PVALEF: variants seen among roughly 807,000 people sequenced by gnomAD.
PVALEF encodes parvalbumin like EF-hand containing.
PVALEF carries 2 observed loss-of-function variants against 1.2 expected under a neutral mutation model. That is an observed-to-expected ratio of 1.68 (90% CI 0.69 to 5.28). The LOEUF (loss-of-function observed/expected upper bound fraction) is 5.28, where lower values mean the gene tolerates loss of function less well. Ranked by LOEUF, PVALEF falls within the 30% of genes most tolerant of loss-of-function variation. The pLI is 0.06. For synonymous variants in PVALEF, 16 were observed against 6.5 expected (o/e 2.47, Z -2.24); for missense variants, 35 against 17.7 (o/e 1.97, Z -1.75).
chr17:81,178,723 C>A (rs575098769), intron 2 of PVALEF, among the ~76,000 whole-genome samples, 195 bp from the exon 3 acceptor site: 53 of 152,302 alleles, frequency 3.5e-4, no homozygotes, highest in Non-Finnish European at 6.5e-4. Context: ...GCACCACCCC[C>A]ACCGCCCGCA....
In PVALEF at chr17:81,181,361, C is replaced by T. The variant is rs554102640; in HGVS notation, c.106+29C>T. On this transcript the variant is annotated intron_variant, in intron 4 of 6. Transcript: ENST00000637878. ...CAGCATGCCCCCGCCCGGCGCGGCC[C>T]CCCGCCCGTCCAGCCCCGCTGTGGT... 46 of 630,708 alleles carry T rather than the reference C, an allele frequency of 7.3e-5. No homozygotes were observed. The Middle Eastern group carries it at 7.4e-4, about 10-fold the overall frequency. 39.1% of individuals were successfully genotyped at this position (630,708 alleles called of 1,614,324 possible). A position where few individuals can be genotyped will look rare whatever the true frequency, so the allele number is the denominator to read the frequency against.
At chr17:81,168,526 TG>T (rs1001241271) in intron 2 of PVALEF, among the ~76,000 whole-genome samples, 1 of 152,236 alleles carries the variant, frequency 6.6e-6, no homozygotes, top group Non-Finnish European at 1.5e-5. Context: ...CCCCAGGTGC[TG>T]GCTTTTGCCC....
intron 2 of PVALEF, among the ~76,000 whole-genome samples, chr17:81,169,410 C>G (rs763799298): frequency 1.3e-5 from 2 of 152,124 alleles, no homozygotes; most frequent in African/African-American, 4.8e-5. Context: ...CCAGCCTGGC[C>G]AACATGGTGA....
intron 6 of PVALEF, among the ~76,000 whole-genome samples, chr17:81,182,665 G>T (rs968755426): frequency 6.6e-6 from 1 of 152,242 alleles, no homozygotes; most frequent in African/African-American, 2.4e-5. Context: ...CTCTCAGAGG[G>T]TCTGGTGGGA....
At chr17:81,182,697 G>C (rs1222634990) in intron 6 of PVALEF, among the ~76,000 whole-genome samples, 1 of 152,238 alleles carries the variant, frequency 6.6e-6, no homozygotes, top group Non-Finnish European at 1.5e-5. Context: ...TCTCTGCAGA[G>C]AGCCAGGCCA....
At chr17:81,172,703 G>A (rs977727843) in intron 2 of PVALEF, among the ~76,000 whole-genome samples, 1 of 152,148 alleles carries the variant, frequency 6.6e-6, no homozygotes, top group African/African-American at 2.4e-5. Flanking sequence ...GGTGGAGGTT[G>A]CAGTGAGCCG....
At position 81,183,095 on chromosome 17, in the gene PVALEF, G is replaced by A. The variant is rs565574106; in HGVS notation, c.*84G>A. 605 of 398,608 alleles carry A rather than the reference G, an allele frequency of 1.5e-3. 1 individual carries two copies. Among genetic ancestry groups the A allele is most frequent in the South Asian group, 4.1e-3 (32 of 7,844 alleles). The allele number at this position is 398,608 out of a possible 1,614,324, so 24.7% of individuals were successfully genotyped here. On this transcript the variant is annotated 3_prime_UTR_variant, in exon 7 of 7. Transcript: ENST00000637878. ...CACCTGGGCAGAAGCCGTTGGGGCC[G>A]GTAAGAGGCGGCAGCCGTGAGGGTG... is the stretch of plus-strand genomic sequence containing the variant.
chr17:81,170,309 TGGTATGTAGG>T (rs2061516424), intron 2 of PVALEF, among the ~76,000 whole-genome samples: 1 of 146,570 alleles, frequency 6.8e-6, no homozygotes, highest in Admixed American at 6.8e-5. Context: ...GTGTCTGTGT[TGGTATGTAGG>T]GGTGTGTGCA....
chr17:81,176,926 C>CTTTT (rs34506557), intron 2 of PVALEF, among the ~76,000 whole-genome samples: 1 of 130,910 alleles, frequency 7.6e-6, no homozygotes, highest in African/African-American at 2.9e-5. Flanking sequence ...GTATTAGTCA[C>CTTTT]TTTTTTTTTT....
In PVALEF at chr17:81,183,086, G is replaced by T. The variant is rs116678809; in HGVS notation, c.*75G>T. 5.9e-4 allele frequency: 234 copies of T among 398,658 alleles called. 4 individuals carry two copies. In the South Asian group the frequency reaches 0.025, roughly 43 times the overall value. 24.7% of individuals were successfully genotyped at this position (398,658 alleles called of 1,614,324 possible). On this transcript the variant is annotated 3_prime_UTR_variant, in exon 7 of 7. Transcript: ENST00000637878. ...GTGACCACGCACCTGGGCAGAAGCC[G>T]TTGGGGCCGGTAAGAGGCGGCAGCC...
chr17:81,167,348 A>G (rs2061501113), intron 2 of PVALEF, among the ~76,000 whole-genome samples: 1 of 152,044 alleles, frequency 6.6e-6, no homozygotes. Context: ...CCACTCATTC[A>G]TTCACTCACT....
At chr17:81,166,065 G>T in intron 1 of PVALEF, 3 of 1,114,232 alleles carry the variant, frequency 2.7e-6, no homozygotes, top group Non-Finnish European at 3.4e-6. Flanking sequence ...GGCCCGAGCC[G>T]CCGCATCACC....
At chr17:81,169,408 G>A (rs767842939) in intron 2 of PVALEF, among the ~76,000 whole-genome samples, 3 of 152,154 alleles carry the variant, frequency 2.0e-5, no homozygotes, top group South Asian at 2.1e-4. Flanking sequence ...GACCAGCCTG[G>A]CCAACATGGT....
intron 5 of PVALEF, 74 bp downstream of exon 5, chr17:81,181,768 G>A (rs760739309): frequency 6.8e-5 from 27 of 398,508 alleles, no homozygotes; most frequent in Middle Eastern, 6.2e-4. Flanking sequence ...TGGCGGACCC[G>A]GCCTTCCCCC....
Position 81,179,051 on chromosome 17 carries a change from G to C in PVALEF, c.-206G>C. The C allele has an allele frequency of 2.2e-6, 1 of 455,236 alleles. No homozygotes were observed. Among genetic ancestry groups the C allele is most frequent in the Non-Finnish European group, 4.4e-6 (1 of 225,532 alleles). 28.2% of individuals were successfully genotyped at this position (455,236 alleles called of 1,614,324 possible). A position where few individuals can be genotyped will look rare whatever the true frequency, so the allele number is the denominator to read the frequency against. On this transcript the variant is annotated 5_prime_UTR_variant, in exon 3 of 7. Coordinates refer to ENST00000637878, the MANE Select transcript of PVALEF (RefSeq NM_001354639.2). ...GAGGGGCGAGGACAGCTGCAGCCCC[G>C]AGATGTAAACAGGCTTGCAGGTATA... is the stretch of plus-strand genomic sequence containing the variant.
intron 1 of PVALEF, among the ~76,000 whole-genome samples, chr17:81,166,340 C>A (rs1241983585): frequency 1.8e-5 from 1 of 55,382 alleles, no homozygotes; most frequent in Non-Finnish European, 3.5e-5. Context: ...GAGGGGAGCA[C>A]GGAGTGGGGG....
At position 81,165,587 on chromosome 17, in the gene PVALEF, C is replaced by T. The variant is rs908839956; in HGVS notation, c.-668C>T. The T allele has an allele frequency of 6.0e-6, 8 of 1,330,848 alleles. No individual in the cohort carries two copies. In the African/African-American group the frequency reaches 8.8e-5, roughly 15 times the overall value. The allele number at this position is 1,330,848 out of a possible 1,614,324, so 82.4% of individuals were successfully genotyped here. ...AGGCCATGGAAAGCCTGAACCCCAG[C>T]TGGCTGACACCCCCCACACCCCCAA... On this transcript the variant is annotated 5_prime_UTR_variant, in exon 1 of 7. Coordinates refer to ENST00000637878, the MANE Select transcript of PVALEF (RefSeq NM_001354639.2).
At chr17:81,166,928 A>C (rs2061498197) in intron 2 of PVALEF, 84 bp downstream of exon 2, 23 of 328,414 alleles carry the variant, frequency 7.0e-5, no homozygotes, top group South Asian at 4.8e-4. Context: ...TCCCCGCCCA[A>C]AGTGCCACCT....
At position 81,165,674 on chromosome 17, in the gene PVALEF, C is replaced by T. The variant is rs2061479419; in HGVS notation, c.-581C>T. 3 of 1,510,054 alleles carry T rather than the reference C, an allele frequency of 2.0e-6. No individual in the cohort carries two copies. The highest frequency in any genetic ancestry group is 2.7e-6 in the Non-Finnish European group (3 of 1,130,334). The allele number at this position is 1,510,054 out of a possible 1,614,324, so 93.5% of individuals were successfully genotyped here. On this transcript the variant is annotated 5_prime_UTR_variant, in exon 1 of 7. Coordinates refer to ENST00000637878, the MANE Select transcript of PVALEF (RefSeq NM_001354639.2). ...GGGGCCCACGCAGGCCCTCCGTGCC[C>T]CAGTTACCTGTGCCCTGGAGGCAGC... is the stretch of plus-strand genomic sequence containing the variant.
Sources: allele counts gnomAD v4.1 joint callset (sites outside exome capture counted in the v4.1 genomes callset), GRCh38; gene constraint gnomAD v4.1.1; transcripts MANE v1.5; gene names NCBI Gene and HGNC (gene_info 2026-07-23, HGNC 2026-07-21).